The following LY6G5C variants were observed in gnomAD, a reference collection of about 807,000 sequenced individuals.
LY6G5C encodes the protein lymphocyte antigen 6 family member G5C, also known as lymphocyte antigen 6 complex locus protein G5c.
Under a neutral mutation model 10.5 loss-of-function variants are expected in LY6G5C, and 6 were observed. The ratio of observed to expected loss-of-function variants is 0.57; its 90% CI spans 0.31 to 1.12. The LOEUF (loss-of-function observed/expected upper bound fraction) is 1.12, where lower values mean the gene tolerates loss of function less well. LY6G5C is among the 50% of genes most tolerant of loss of function. The pLI, the probability that LY6G5C is intolerant of heterozygous loss-of-function variation, is 0.05. For missense variants in LY6G5C, 160 were observed against 185.5 expected (o/e 0.86, Z 0.80); for synonymous variants, 69 against 67.8 (o/e 1.02, Z -0.09).
chr6:31,676,923 G>A, exon 3 of LY6G5C: 1 of 1,600,246 alleles, frequency 6.2e-7, no homozygotes, highest in Non-Finnish European at 8.6e-7. Flanking sequence ...CTGGAAACTG[G>A]TGGAATTTTA....
rs1802818521 is a variant in LY6G5C, at chr6:31,680,326, C to G, written c.48G>C (p.Leu16=). 1 of 1,610,892 alleles carries G rather than the reference C, an allele frequency of 6.2e-7. No homozygotes were observed. The highest frequency in any genetic ancestry group is 1.7e-5 in the Admixed American group (1 of 59,914). Residue 16 remains leucine (L), a synonymous_variant, in exon 1 of 3, where the codon CTG becomes CTC. Coordinates refer to ENST00000383237, the Ensembl canonical transcript of LY6G5C. The surrounding 1 kb of genome is among the most constrained non-coding windows in gnomAD (Gnocchi z 4.5). ...GGGCTTGGGGGCTGCTGTGGAAGCA[C>G]AGGGGACCCAGACTCTGGCTCCCTG...
upstream of LY6G5C, chr6:31,680,397 G>A: frequency 6.3e-7 from 1 of 1,599,432 alleles, no homozygotes; most frequent in Non-Finnish European, 8.5e-7. The surrounding 1 kb of genome is among the most constrained non-coding windows in gnomAD (Gnocchi z 4.5). Context: ...CCTCCAGTTT[G>A]GGCTTATATT....
In LY6G5C at chr6:31,679,442, T is replaced by C. The variant is rs1802763928; in HGVS notation, c.122-174A>G. The C allele has an allele frequency of 8.9e-6, 6 of 675,096 alleles. No homozygotes were observed. The highest frequency in any genetic ancestry group is 1.5e-5 in the Non-Finnish European group (6 of 388,434). 41.8% of individuals were successfully genotyped at this position (675,096 alleles called of 1,614,324 possible). On this transcript the variant is annotated intron_variant, in intron 1 of 2. Coordinates refer to ENST00000383237, the Ensembl canonical transcript of LY6G5C. This position sits in a 1 kb window ranked among gnomAD's most constrained non-coding sequence, Gnocchi z 4.4. ...ACTGCATACACATACATCCCCCTTTTCCTCTGGTCCTAAGGCCAGACCACA... is the reference window on the plus strand; with the variant it reads ...ACTGCATACACATACATCCCCCTTTCCCTCTGGTCCTAAGGCCAGACCACA...
At chr6:31,677,199 G>T in intron 2 of LY6G5C, 79 bp from the exon 3 acceptor site, 3 of 1,360,644 alleles carry the variant, frequency 2.2e-6, no homozygotes, top group South Asian at 1.3e-5. Context: ...ACACTCATAA[G>T]TCAAAAAAAA....
intron 2 of LY6G5C, among the ~76,000 whole-genome samples, chr6:31,678,459 C>T (rs1278778946): frequency 6.6e-6 from 1 of 152,118 alleles, no homozygotes; most frequent in Non-Finnish European, 1.5e-5. Context: ...AGAGAGAAAA[C>T]GCTCCATGAA....
intron 2 of LY6G5C, among the ~76,000 whole-genome samples, chr6:31,677,645 T>C (rs1012646076): frequency 3.3e-5 from 5 of 152,092 alleles, no homozygotes; most frequent in African/African-American, 1.2e-4. Flanking sequence ...TATGGAGTAG[T>C]ATACAGCAGG....
At position 31,679,548 on chromosome 6, in the gene LY6G5C, C is replaced by G. The variant is rs1802768234; in HGVS notation, c.122-280G>C. ...TAAACCAACACTTTGAATCCTGTGT[C>G]TCTGTGGCTGGTGCTTTGCAGCCAA... On this transcript the variant is annotated intron_variant, in intron 1 of 2. Transcript: ENST00000383237. The surrounding 1 kb of genome is among the most constrained non-coding windows in gnomAD (Gnocchi z 4.4). The G allele has an allele frequency of 9.8e-6, 5 of 510,632 alleles. No individual in the cohort carries two copies. The highest frequency in any genetic ancestry group is 1.8e-5 in the Non-Finnish European group (5 of 281,956). The allele number at this position is 510,632 out of a possible 1,614,324, so 31.6% of individuals were successfully genotyped here.
Position 31,680,207 on chromosome 6 carries a change from C to G in LY6G5C, c.121+46G>C, listed in dbSNP as rs976838269. 1.2e-6 allele frequency: 2 copies of G among 1,612,382 alleles called. No individual in the cohort carries two copies. The highest frequency in any genetic ancestry group is 1.7e-6 in the Non-Finnish European group (2 of 1,179,586). On this transcript the variant is annotated intron_variant, in intron 1 of 2. Coordinates refer to ENST00000383237, the Ensembl canonical transcript of LY6G5C. The surrounding 1 kb of genome is among the most constrained non-coding windows in gnomAD (Gnocchi z 4.5). ...CCAGACACTTGGTGTCTGTGGGTTT[C>G]TCCATCCAGGCCAGGAGACCCTTCT...
chr6:31,680,417 G>A, upstream of LY6G5C: 1 of 1,582,338 alleles, frequency 6.3e-7, no homozygotes, highest in South Asian at 1.1e-5. This position sits in a 1 kb window ranked among gnomAD's most constrained non-coding sequence, Gnocchi z 4.5. Context: ...TGGTGGAAGA[G>A]AGGTTGGCCA....
At chr6:31,677,787 A>T (rs1303113283) in intron 2 of LY6G5C, among the ~76,000 whole-genome samples, 1 of 152,164 alleles carries the variant, frequency 6.6e-6, no homozygotes, top group East Asian at 1.9e-4. Context: ...AAAAAATAGT[A>T]AACAGCATAT....
Position 31,679,047 on chromosome 6 carries a change from A to G in LY6G5C, c.289+54T>C. The stretch of plus-strand genomic sequence containing the variant: ...ACTTGGGGTGCAGCTTAGGAGGCTG[A>G]GAGAGTTTCCGTTTGGGAGAGTGCT... On this transcript the variant is annotated intron_variant, in intron 2 of 2. Transcript: ENST00000383237. This position sits in a 1 kb window ranked among gnomAD's most constrained non-coding sequence, Gnocchi z 4.4. 1.3e-6 allele frequency: 2 copies of G among 1,576,138 alleles called. No homozygotes were observed. The highest frequency in any genetic ancestry group is 1.7e-6 in the Non-Finnish European group (2 of 1,147,292).
At chr6:31,680,413 A>G, upstream of LY6G5C, 1 of 1,586,616 alleles carries the variant, frequency 6.3e-7, no homozygotes, top group Non-Finnish European at 8.6e-7. This position sits in a 1 kb window ranked among gnomAD's most constrained non-coding sequence, Gnocchi z 4.5. Context: ...ATATTGGTGG[A>G]AGAGAGGTTG....
rs753123046 is a variant in LY6G5C, at chr6:31,680,283, T to C, written c.91A>G (p.Ile31Val). 9.9e-6 allele frequency: 16 copies of C among 1,612,684 alleles called. No homozygotes were observed. The African/African-American group carries it at 1.5e-4, about 15-fold the overall frequency. Residue 31 changes from isoleucine to valine, a missense_variant, in exon 1 of 3, where the codon ATA becomes GTA. Transcript: ENST00000383237. The surrounding 1 kb of genome is among the most constrained non-coding windows in gnomAD (Gnocchi z 4.5). ...ACCAAGCTCATCATGACCAGCACTA[T>C]TAAGAGGACCGTGTAGAGGGCTTGG...
At chr6:31,677,201 C>CA (rs11443495) in intron 2 of LY6G5C, 81 bp from the exon 3 acceptor site, 82,442 of 1,148,466 alleles carry the variant, frequency 0.072, 1,138 homozygotes, top group East Asian at 0.15. Context: ...ACTCATAAGT[C>CA]AAAAAAAAAA....
At chr6:31,680,441 A>C, upstream of LY6G5C, 1 of 1,529,152 alleles carries the variant, frequency 6.5e-7, no homozygotes, top group Non-Finnish European at 8.8e-7. The surrounding 1 kb of genome is among the most constrained non-coding windows in gnomAD (Gnocchi z 4.5). Context: ...GGAAGGAGAG[A>C]GGCAACACCA....
In LY6G5C at chr6:31,680,107, G is replaced by C. The variant is rs546856018; in HGVS notation, c.121+146C>G. The C allele has an allele frequency of 1.2e-6, 1 of 835,626 alleles. No individual in the cohort carries two copies. The highest frequency in any genetic ancestry group is 2.6e-5 in the East Asian group (1 of 38,644). The allele number at this position is 835,626 out of a possible 1,614,324, so 51.8% of individuals were successfully genotyped here. On this transcript the variant is annotated intron_variant, in intron 1 of 2. Transcript: ENST00000383237. The surrounding 1 kb of genome is among the most constrained non-coding windows in gnomAD (Gnocchi z 4.5). ...CAGATTGCACATCAGTCCATGAGCA[G>C]GCATTCCCTACCAAACCCATCTGTC...
At position 31,679,230 on chromosome 6, in the gene LY6G5C, G is replaced by T. The variant is rs1290700638; in HGVS notation, c.160C>A (p.Leu54Ile). ...CAGCGCAGGTATTTGGGGAATGGAA[G>T]TGGTTGAGGGGGTTCCCAATTGACA... Residue 54 changes from leucine (L) to isoleucine (I), a missense_variant, in exon 2 of 3, where the codon CTT (leucine) becomes ATT (isoleucine). Physicochemically the swap from Leu to Ile is conservative, Grantham distance 5. Transcript: ENST00000383237. This position sits in a 1 kb window ranked among gnomAD's most constrained non-coding sequence, Gnocchi z 4.4. The T allele has an allele frequency of 6.2e-7, 1 of 1,613,018 alleles. No homozygotes were observed. The highest frequency in any genetic ancestry group is 1.1e-5 in the South Asian group (1 of 91,084).
In LY6G5C at chr6:31,679,942, G is replaced by C. The variant is rs891751849; in HGVS notation, c.121+311C>G. 27 of 247,044 alleles carry C rather than the reference G, an allele frequency of 1.1e-4. No homozygotes were observed. In the Admixed American group the frequency reaches 1.3e-3, roughly 12 times the overall value. 15.3% of individuals were successfully genotyped at this position (247,044 alleles called of 1,614,324 possible). A position where few individuals can be genotyped will look rare whatever the true frequency, so the allele number is the denominator to read the frequency against. ...TATGCCTGTAATCCCAGTTATTCGGGAGGCTGAGGCATGAGAATCGCTTGA... is the reference window on the plus strand; with the variant it reads ...TATGCCTGTAATCCCAGTTATTCGGCAGGCTGAGGCATGAGAATCGCTTGA... On this transcript the variant is annotated intron_variant, in intron 1 of 2. Transcript: ENST00000383237. The surrounding 1 kb of genome is among the most constrained non-coding windows in gnomAD (Gnocchi z 4.4).
At position 31,679,689 on chromosome 6, in the gene LY6G5C, T is replaced by A. The variant is rs1200039730; in HGVS notation, c.122-421A>T. 8.5e-6 allele frequency: 2 copies of A among 235,592 alleles called. No homozygotes were observed. The highest frequency in any genetic ancestry group is 9.7e-5 in the Admixed American group (2 of 20,614). 14.6% of individuals were successfully genotyped at this position (235,592 alleles called of 1,614,324 possible). A position where few individuals can be genotyped will look rare whatever the true frequency, so the allele number is the denominator to read the frequency against. ...ATGTTGCCCTCAGATCCAGAGAGGA[T>A]TCCTTCAGTATCTCTATTCAGGTCA... On this transcript the variant is annotated intron_variant, in intron 1 of 2. Coordinates refer to ENST00000383237, the Ensembl canonical transcript of LY6G5C. The surrounding 1 kb of genome is among the most constrained non-coding windows in gnomAD (Gnocchi z 4.4).
Sources: allele counts gnomAD v4.1 joint callset (sites outside exome capture counted in the v4.1 genomes callset), GRCh38; gene constraint gnomAD v4.1.1; non-coding constraint Gnocchi (gnomAD v3.1); transcripts MANE v1.5; gene names NCBI Gene and HGNC (gene_info 2026-07-23, HGNC 2026-07-21).